The following CREB5 variants were observed in gnomAD, a reference collection of about 807,000 sequenced individuals.
CREB5 encodes cyclic AMP-responsive element-binding protein 5.
A neutral mutation model predicts 57.1 loss-of-function variants in CREB5; 19 were observed. The ratio of observed to expected loss-of-function variants is 0.33; its 90% CI spans 0.23 to 0.49. CREB5 has a LOEUF of 0.49. Among genes scored for constraint, CREB5 ranks in the 20% least tolerant of loss-of-function variants. The pLI is 0.99. For missense variants in CREB5, 579 were observed against 671.6 expected (o/e 0.86, Z 1.52); for synonymous variants, 238 against 238.3 (o/e 1.00, Z 0.01).
chr7:28,650,167 G>A lies in CREB5; in HGVS notation c.465-68586G>A, dbSNP rs557297723. Among the ~76,000 whole-genome samples the A allele has an allele frequency of 2.0e-5, 3 of 152,266 alleles. No individual in the cohort carries two copies. In the South Asian group the frequency reaches 6.2e-4, roughly 32 times the overall value. On this transcript the variant is annotated intron_variant, in intron 5 of 10. Coordinates refer to ENST00000357727, the MANE Select transcript of CREB5 (RefSeq NM_182898.4). ...TCTAATGAAACATTTGAAAAATTCT[G>A]TGTCCAGAATAGAGAAATGGAAAGG...
intron 7 of CREB5, among the ~76,000 whole-genome samples, chr7:28,784,529 C>T (rs867414692): frequency 2.6e-5 from 4 of 151,988 alleles, no homozygotes; most frequent in African/African-American, 9.7e-5. Context: ...CTCACTCTGG[C>T]TGAGGTCCAA....
chr7:28,309,802 A>T (rs551112027), intron 1 of CREB5, among the ~76,000 whole-genome samples: 1 of 152,134 alleles, frequency 6.6e-6, no homozygotes, highest in Non-Finnish European at 1.5e-5. Flanking sequence ...TCCTGGCCCT[A>T]CGTTGCCTCT....
intron 5 of CREB5, among the ~76,000 whole-genome samples, chr7:28,698,267 G>C (rs1246782859): frequency 6.7e-6 from 1 of 148,340 alleles, no homozygotes; most frequent in Non-Finnish European, 1.5e-5. Flanking sequence ...ACAACTGTAT[G>C]ACAAGAAAAA....
At chr7:28,409,754 G>A, upstream of CREB5, 1 of 369,140 alleles carries the variant, frequency 2.7e-6, no homozygotes, top group Non-Finnish European at 5.3e-6. The surrounding 1 kb of genome is among the most constrained non-coding windows in gnomAD (Gnocchi z 4.4). Flanking sequence ...CGGAGCGCTC[G>A]GTGGCCGCCG....
chr7:28,803,433 G>A lies in CREB5; in HGVS notation c.703-766G>A, dbSNP rs537163929. ...TCTGTGTCTGAGAAATATTTTGAGA[G>A]GCAAGAGCATTTGTTCTTGTGACTC... On this transcript the variant is annotated intron_variant, in intron 7 of 10. Coordinates refer to ENST00000357727, the MANE Select transcript of CREB5 (RefSeq NM_182898.4). 5.3e-5 allele frequency among the ~76,000 whole-genome samples: 8 copies of A among 152,202 alleles called. No homozygotes were observed. The South Asian group carries it at 1.0e-3, about 20-fold the overall frequency.
At chr7:28,816,978 A>G (rs1809477099) in intron 9 of CREB5, among the ~76,000 whole-genome samples, 1 of 152,202 alleles carries the variant, frequency 6.6e-6, no homozygotes, top group East Asian at 1.9e-4. Context: ...GCTACCATCT[A>G]TTTTATGTTT....
chr7:28,771,633 C>T (rs1027067871), intron 7 of CREB5, among the ~76,000 whole-genome samples: 40 of 152,102 alleles, frequency 2.6e-4, no homozygotes, highest in African/African-American at 9.2e-4. Context: ...TCATTTACAG[C>T]GCTACCCCTT....
intron 5 of CREB5, among the ~76,000 whole-genome samples, chr7:28,585,464 C>G (rs1167440397): frequency 6.6e-6 from 1 of 152,224 alleles, no homozygotes; most frequent in Non-Finnish European, 1.5e-5. Flanking sequence ...ATCTCAGCCC[C>G]TCAGCCGGAG....
At chr7:28,435,420 A>G (rs1056173949) in intron 1 of CREB5, among the ~76,000 whole-genome samples, 1 of 122,974 alleles carries the variant, frequency 8.1e-6, no homozygotes, top group Non-Finnish European at 1.6e-5. Context: ...GAGATTTTGC[A>G]TACTGATAAG....
chr7:28,821,132 G>GTT lies in CREB5; in HGVS notation c.*1854_*1855insTT, dbSNP rs1385764661. ...TTGAATGCTTGACCTCTTAATGTGT[G>GTT]TGTGTGTGTGTGTGTGTGTGTGTGT... On this transcript the variant is annotated 3_prime_UTR_variant, in exon 11 of 11. Coordinates refer to ENST00000357727, the MANE Select transcript of CREB5 (RefSeq NM_182898.4). 6.7e-5 allele frequency: 10 copies of GTT among 149,296 alleles called. No homozygotes were observed. The highest frequency in any genetic ancestry group is 2.5e-4 in the African/African-American group (10 of 39,464). The allele number at this position is 149,296 out of a possible 1,614,324, so 9.2% of individuals were successfully genotyped here.
At chr7:28,710,337 T>A (rs2128742755) in intron 5 of CREB5, among the ~76,000 whole-genome samples, 1 of 152,312 alleles carries the variant, frequency 6.6e-6, no homozygotes, top group East Asian at 1.9e-4. Flanking sequence ...ATATTTATGT[T>A]TTCATTAATA....
chr7:28,577,509 C>T (rs1328069605), intron 5 of CREB5, among the ~76,000 whole-genome samples: 1 of 152,168 alleles, frequency 6.6e-6, no homozygotes, highest in Middle Eastern at 3.2e-3. Flanking sequence ...CACATCTCTA[C>T]TAGTTTGGCA....
chr7:28,320,960 G>A (rs752943160), intron 1 of CREB5, among the ~76,000 whole-genome samples: 7 of 152,152 alleles, frequency 4.6e-5, no homozygotes, highest in Admixed American at 3.3e-4. Flanking sequence ...ACACGGACTC[G>A]GGAGCAAGAT....
intron 1 of CREB5, among the ~76,000 whole-genome samples, chr7:28,338,268 T>C (rs530107452): frequency 2.2e-4 from 34 of 152,182 alleles, no homozygotes; most frequent in Non-Finnish European, 3.8e-4. Context: ...TTCTTTCAGA[T>C]TGAAGAACTC....
At chr7:28,570,250 A>G in intron 4 of CREB5, 115 bp from the exon 5 acceptor site, 1 of 1,154,516 alleles carries the variant, frequency 8.7e-7, no homozygotes, top group Non-Finnish European at 1.2e-6. Flanking sequence ...GCCGGAAGCC[A>G]TAACTCTCTA....
At chr7:28,741,191 C>T (rs1804315304) in intron 7 of CREB5, among the ~76,000 whole-genome samples, 1 of 152,086 alleles carries the variant, frequency 6.6e-6, no homozygotes, top group African/African-American at 2.4e-5. Flanking sequence ...GGGTGGTGTT[C>T]CCAAAGTGTG....
At chr7:28,775,957 T>C (rs2128779899) in intron 7 of CREB5, among the ~76,000 whole-genome samples, 1 of 152,302 alleles carries the variant, frequency 6.6e-6, no homozygotes, top group South Asian at 2.1e-4. Flanking sequence ...ATGGGGAAAC[T>C]GACAGTATGT....
chr7:28,792,771 A>G (rs1807795242), intron 7 of CREB5, among the ~76,000 whole-genome samples: 1 of 152,198 alleles, frequency 6.6e-6, no homozygotes, highest in Non-Finnish European at 1.5e-5. Context: ...ACTGGCCTTC[A>G]TCCTGTGGCC....
chr7:28,541,947 T>C (rs191374577), intron 4 of CREB5, among the ~76,000 whole-genome samples: 1 of 152,322 alleles, frequency 6.6e-6, no homozygotes, highest in African/African-American at 2.4e-5. Context: ...GAGAATCTTA[T>C]TGTGGATCCA....
Sources: gnomAD v4.1 joint callset for allele counts (sites outside exome capture counted in the v4.1 genomes callset) on GRCh38, gnomAD v4.1.1 for gene constraint, Gnocchi (gnomAD v3.1) non-coding constraint, MANE v1.5 for transcripts, NCBI Gene and HGNC (gene_info 2026-07-23, HGNC 2026-07-21) for gene names.